Variants in EFHC2 observed in about 807,000 individuals in gnomAD.
EFHC2 encodes the protein EF-hand domain containing 2, also known as EF-hand domain-containing family member C2.
In EFHC2, 18 loss-of-function variants were observed where a neutral mutation model predicts 52.7. The ratio of observed to expected loss-of-function variants is 0.34; its 90% CI spans 0.24 to 0.51. EFHC2 has a LOEUF of 0.51. Ranked by LOEUF, EFHC2 falls within the 20% of genes least tolerant of loss-of-function variation. EFHC2 has a pLI of 0.97. For synonymous variants in EFHC2, 203 were observed against 204.1 expected (o/e 0.99, Z 0.04); for missense variants, 513 against 562.5 (o/e 0.91, Z 0.89).
intron 2 of EFHC2, among the ~76,000 whole-genome samples, chrX:44,286,789 G>A (rs1326538231): frequency 2.8e-5 from 3 of 108,907 alleles, no homozygotes; most frequent in African/African-American, 3.3e-5. Flanking sequence ...CGAGGCGAGC[G>A]GATCACTTGA....
chrX:44,342,830 C>T (rs1270777927), intron 1 of EFHC2, among the ~76,000 whole-genome samples: 1 of 98,525 alleles, frequency 1.0e-5, no homozygotes, highest in Non-Finnish European at 2.0e-5. Context: ...GAGCCGAGAT[C>T]GGGTCACTGC....
At chrX:44,333,237 G>A (rs2038098331) in intron 1 of EFHC2, among the ~76,000 whole-genome samples, 1 of 111,449 alleles carries the variant, frequency 9.0e-6, no homozygotes, top group African/African-American at 3.3e-5. Flanking sequence ...TGGGCAATAT[G>A]AGCATGCAAG....
chrX:44,294,872 C>T (rs759445609), intron 2 of EFHC2, among the ~76,000 whole-genome samples: 2 of 112,171 alleles, frequency 1.8e-5, no homozygotes, highest in South Asian at 3.7e-4. Flanking sequence ...ATGTGTCAGG[C>T]GTTGTGCTAA....
chrX:44,340,037 C>A (rs762056935), intron 1 of EFHC2, among the ~76,000 whole-genome samples: 9 of 111,024 alleles, frequency 8.1e-5, no homozygotes, highest in Admixed American at 1.9e-4. Flanking sequence ...TACACACATG[C>A]ACGCACACAC....
intron 11 of EFHC2, among the ~76,000 whole-genome samples, chrX:44,226,751 G>A (rs1290448902): frequency 1.8e-5 from 2 of 109,337 alleles, no homozygotes; most frequent in Non-Finnish European, 3.8e-5. Context: ...TCGGGGGGTC[G>A]GGACCTAGGG....
intron 13 of EFHC2, among the ~76,000 whole-genome samples, chrX:44,169,742 CACAT>C (rs1276420477): frequency 1.8e-5 from 2 of 111,028 alleles, no homozygotes; most frequent in African/African-American, 6.6e-5. Context: ...CACACACACA[CACAT>C]ACACACTCTC....
At chrX:44,304,682 T>G (rs778957163) in intron 2 of EFHC2, among the ~76,000 whole-genome samples, 1 of 111,496 alleles carries the variant, frequency 9.0e-6, no homozygotes, top group African/African-American at 3.3e-5. Context: ...TTTAAATGAA[T>G]TCAATGAAAT....
At chrX:44,326,675 G>A (rs1232543464) in intron 1 of EFHC2, among the ~76,000 whole-genome samples, 2 of 104,748 alleles carry the variant, frequency 1.9e-5, no homozygotes, top group Admixed American at 2.1e-4. Flanking sequence ...AAAAATCTCT[G>A]AGTATATTCT....
intron 2 of EFHC2, among the ~76,000 whole-genome samples, chrX:44,273,751 T>C (rs2037634690): frequency 8.9e-6 from 1 of 112,012 alleles, no homozygotes; most frequent in African/African-American, 3.2e-5. Context: ...CAGGCTACCA[T>C]TTCAAGCTTG....
In EFHC2 at chrX:44,205,956, C is replaced by CT. The variant is rs780132534; in HGVS notation, c.1751+23692dup. ...TTCTCATCTGCACATGGAATAGTCT[C>CT]TAAGATTGACCACGTGCTCAGTCAT... On this transcript the variant is annotated intron_variant, in intron 11 of 14. Coordinates refer to ENST00000420999, the MANE Select transcript of EFHC2 (RefSeq NM_025184.4). 1.5e-4 allele frequency among the ~76,000 whole-genome samples: 17 copies of CT among 111,633 alleles called. 2 individuals carry two copies. The East Asian group carries it at 3.1e-3, about 20-fold the overall frequency.
At chrX:44,162,412 G>A (rs2036663354) in intron 14 of EFHC2, among the ~76,000 whole-genome samples, 1 of 111,406 alleles carries the variant, frequency 9.0e-6, no homozygotes, top group Admixed American at 9.5e-5. Flanking sequence ...GACAGAGTGA[G>A]ACTCCATCTC....
At chrX:44,338,986 T>A (rs1355453884) in intron 1 of EFHC2, among the ~76,000 whole-genome samples, 1 of 109,596 alleles carries the variant, frequency 9.1e-6, no homozygotes, top group Non-Finnish European at 1.9e-5. Flanking sequence ...AGGTCAGGAG[T>A]TCGAGACCAG....
rs760867148 is a variant in EFHC2, at chrX:44,308,164, GAATT to G, written c.231+4400_231+4403del. Among the ~76,000 whole-genome samples the G allele has an allele frequency of 3.6e-5, 4 of 111,130 alleles. No individual in the cohort carries two copies. The South Asian group carries it at 1.5e-3, about 41-fold the overall frequency. Reference sequence around the variant, plus strand: ...TTTAAAAGACATAGTAAATATAAATGAATTAACTCACACAACGTACTTACACACA... The same window carrying G: ...TTTAAAAGACATAGTAAATATAAATGAACTCACACAACGTACTTACACACA... On this transcript the variant is annotated intron_variant, in intron 2 of 14. Transcript: ENST00000420999.
chrX:44,172,975 C>T (rs1009642657), intron 13 of EFHC2, among the ~76,000 whole-genome samples: 2 of 111,033 alleles, frequency 1.8e-5, no homozygotes, highest in African/African-American at 6.6e-5. Flanking sequence ...TAACCAGGTA[C>T]AAAAAGGTTT....
chrX:44,298,796 G>C (rs2037846474), intron 2 of EFHC2, among the ~76,000 whole-genome samples: 1 of 102,153 alleles, frequency 9.8e-6, no homozygotes, highest in African/African-American at 3.7e-5. Context: ...AGGAGGTAGA[G>C]GTTGCAGTGA....
At chrX:44,312,058 GA>G (rs1269914116) in intron 2 of EFHC2, among the ~76,000 whole-genome samples, 3 of 112,315 alleles carry the variant, frequency 2.7e-5, no homozygotes, top group Non-Finnish European at 5.6e-5. Flanking sequence ...AGCAGAGCAA[GA>G]ATGATTTTTC....
chrX:44,215,200 T>C (rs1276599684), intron 11 of EFHC2, among the ~76,000 whole-genome samples: 4 of 111,327 alleles, frequency 3.6e-5, no homozygotes, highest in Non-Finnish European at 7.5e-5. Context: ...GTTTCCTGTA[T>C]AGCCTGCAAA....
At chrX:44,271,117 A>G (rs2037613840) in intron 3 of EFHC2, among the ~76,000 whole-genome samples, 1 of 111,614 alleles carries the variant, frequency 9.0e-6, no homozygotes, top group Non-Finnish European at 1.9e-5. Flanking sequence ...TTTTAATGTG[A>G]TCCATGAGCC....
At chrX:44,341,773 C>A (rs770672448) in intron 1 of EFHC2, among the ~76,000 whole-genome samples, 50 of 112,750 alleles carry the variant, frequency 4.4e-4, no homozygotes, top group African/African-American at 1.5e-3. Context: ...TCTTGATATT[C>A]ATTTTGTGAT....
Sources: allele counts gnomAD v4.1 joint callset (sites outside exome capture counted in the v4.1 genomes callset), GRCh38; gene constraint gnomAD v4.1.1; transcripts MANE v1.5; gene names NCBI Gene and HGNC (gene_info 2026-07-23, HGNC 2026-07-21).